TUBAL3: variants seen among roughly 807,000 people sequenced by gnomAD.
TUBAL3 encodes tubulin alpha like 3, also known as tubulin alpha chain-like 3.
Under a neutral mutation model 15.5 loss-of-function variants are expected in TUBAL3, and 16 were observed. The observed-to-expected ratio is 1.04, with a 90% CI of 0.70 to 1.57. The LOEUF (loss-of-function observed/expected upper bound fraction) is 1.57, where lower values mean the gene tolerates loss of function less well. Ranked by LOEUF, TUBAL3 falls within the 40% of genes most tolerant of loss-of-function variation. TUBAL3 has a pLI of 0.00. For synonymous variants in TUBAL3, 238 were observed against 224.3 expected (o/e 1.06, Z -0.55); for missense variants, 609 against 576.2 (o/e 1.06, Z -0.58).
Position 5,395,412 on chromosome 10 carries a change from T to C in TUBAL3, c.311A>G (p.Glu104Gly). 1 of 1,606,406 alleles carries C rather than the reference T, an allele frequency of 6.2e-7. No individual in the cohort carries two copies. Among genetic ancestry groups the C allele is most frequent in the African/African-American group, 1.3e-5 (1 of 74,694 alleles). ...FHPEQLLSGK[E>G]DAANNYARGR... is the part of the protein sequence containing the mutation. ...TCGCGCGTAATTGTTAGCAGCATCC[T>C]CCTTTCCGCTAAGGAGCTGCTCGGG... The change falls in exon 3 of 4, where the codon GAG becomes GGG. Residue 104 changes from glutamate to glycine, a missense_variant. Physicochemically the swap from Glu to Gly is moderately conservative, Grantham distance 98 (BLOSUM62 -2). Transcript: ENST00000380419. This position sits in a 1 kb window ranked among gnomAD's most constrained non-coding sequence, Gnocchi z 4.6.
rs1831738271 is a variant in TUBAL3, at chr10:5,394,836, G to T, written c.397-375C>A. Among the ~76,000 whole-genome samples the T allele has an allele frequency of 6.6e-6, 1 of 152,152 alleles. No homozygotes were observed. The highest frequency in any genetic ancestry group is 6.5e-5 in the Admixed American group (1 of 15,278). On this transcript the variant is annotated intron_variant, in intron 3 of 3. Transcript: ENST00000380419. This position sits in a 1 kb window ranked among gnomAD's most constrained non-coding sequence, Gnocchi z 4.3. Reference sequence around the variant, plus strand: ...TCCATCTGGCATGCTGGTGTAAAAGGTGTTGTAGTAGCTAACAAATATGAC... The same window carrying T: ...TCCATCTGGCATGCTGGTGTAAAAGTTGTTGTAGTAGCTAACAAATATGAC...
Position 5,400,930 on chromosome 10 carries a change from G to A in TUBAL3, c.161C>T (p.Ala54Val), listed in dbSNP as rs2119147106. Reference protein sequence around the residue: ...LENAKMEHTNASFDTFFCETR... With the variant: ...LENAKMEHTNVSFDTFFCETR... ...CTCACAGAAGAAGGTATCGAAAGATGCATTTGTGTGCTCCATTTTTGCATT... is the reference window on the plus strand; with the variant it reads ...CTCACAGAAGAAGGTATCGAAAGATACATTTGTGTGCTCCATTTTTGCATT... The change falls in exon 2 of 4, where the codon GCA becomes GTA. Residue 54 changes from alanine (A) to valine (V), a missense_variant. Transcript: ENST00000380419. 4 of 1,614,216 alleles carry A rather than the reference G, an allele frequency of 2.5e-6. No individual in the cohort carries two copies. In the South Asian group the frequency reaches 4.4e-5, roughly 18 times the overall value.
At chr10:5,400,745 T>TTC (rs1831837391) in intron 2 of TUBAL3, 99 bp downstream of exon 2, 1 of 1,461,156 alleles carries the variant, frequency 6.8e-7, no homozygotes, top group Non-Finnish European at 9.4e-7. Flanking sequence ...GTCCATGTGA[T>TTC]TCCATTCAGA....
intron 1 of TUBAL3, among the ~76,000 whole-genome samples, chr10:5,402,785 C>T (rs1366787913): frequency 2.6e-5 from 4 of 152,260 alleles, no homozygotes; most frequent in African/African-American, 7.2e-5. Flanking sequence ...AGGTTGTGTG[C>T]TCCTTATGAG....
intron 2 of TUBAL3, among the ~76,000 whole-genome samples, chr10:5,398,577 C>T (rs1831800971): frequency 6.6e-6 from 1 of 152,024 alleles, no homozygotes; most frequent in Non-Finnish European, 1.5e-5. Context: ...GGTGACAGAA[C>T]AAGACCCAGT....
chr10:5,393,508 A>G lies in TUBAL3; in HGVS notation c.*9T>C. The stretch of plus-strand genomic sequence containing the variant: ...AACTTGACATTCATTTGCACCCATC[A>G]TACATGCCTCAGAAACTTTGCGCCA... On this transcript the variant is annotated 3_prime_UTR_variant, in exon 4 of 4. Coordinates refer to ENST00000380419, the MANE Select transcript of TUBAL3 (RefSeq NM_024803.3). 6.3e-7 allele frequency: 1 copy of G among 1,589,596 alleles called. No homozygotes were observed. Among genetic ancestry groups the G allele is most frequent in the Non-Finnish European group, 8.6e-7 (1 of 1,168,102 alleles).
chr10:5,396,592 A>T lies in TUBAL3; in HGVS notation c.248-1117T>A, dbSNP rs533640415. On this transcript the variant is annotated intron_variant, in intron 2 of 3. Coordinates refer to ENST00000380419, the MANE Select transcript of TUBAL3 (RefSeq NM_024803.3). The surrounding 1 kb of genome is among the most constrained non-coding windows in gnomAD (Gnocchi z 5.1). ...TGCTTTAAAAGAGGATTTAACAGGG[A>T]AGGCACGGCAAACTCAAATGCCCAC... 7.2e-5 allele frequency among the ~76,000 whole-genome samples: 11 copies of T among 152,326 alleles called. No homozygotes were observed. The East Asian group carries it at 1.9e-3, about 27-fold the overall frequency.
At position 5,394,175 on chromosome 10, in the gene TUBAL3, C is replaced by T. The variant is rs782531228; in HGVS notation, c.683G>A (p.Cys228Tyr). ...TCTATTGATGCTGGCATGAGAGGGG[C>T]ATTCAACACCGAGTTTACGATGGCA... ...DICHRKLGVE[C>Y]PSHASINRLV... The change falls in exon 4 of 4, where the codon TGC (cysteine) becomes TAC (tyrosine). Residue 228 changes from cysteine to tyrosine, a missense_variant. Coordinates refer to ENST00000380419, the MANE Select transcript of TUBAL3 (RefSeq NM_024803.3). This position sits in a 1 kb window ranked among gnomAD's most constrained non-coding sequence, Gnocchi z 4.3. The T allele has an allele frequency of 6.2e-7, 1 of 1,614,188 alleles. No homozygotes were observed. Among genetic ancestry groups the T allele is most frequent in the Non-Finnish European group, 8.5e-7 (1 of 1,180,036 alleles).
At chr10:5,403,029 G>T (rs560530490) in intron 1 of TUBAL3, among the ~76,000 whole-genome samples, 1 of 152,318 alleles carries the variant, frequency 6.6e-6, no homozygotes, top group Non-Finnish European at 1.5e-5. Flanking sequence ...TCAAACCTTT[G>T]TACTTTGTCT....
At position 5,393,850 on chromosome 10, in the gene TUBAL3, A is replaced by G; in HGVS notation, c.1008T>C (p.Asn336=). 1 of 1,614,180 alleles carries G rather than the reference A, an allele frequency of 6.2e-7. No individual in the cohort carries two copies. The highest frequency in any genetic ancestry group is 8.5e-7 in the Non-Finnish European group (1 of 1,180,038). ...YRGDVVPKEV[N]AAIAATKSRH... Reference sequence around the variant, plus strand: ...TCGACTTCGTGGCTGCGATTGCTGCATTCACTTCCTTGGGGACCACATCCC... The same window carrying G: ...TCGACTTCGTGGCTGCGATTGCTGCGTTCACTTCCTTGGGGACCACATCCC... The change falls in exon 4 of 4, where the codon AAT becomes AAC. Residue 336 remains asparagine (N), a synonymous_variant. Transcript: ENST00000380419.
intron 2 of TUBAL3, among the ~76,000 whole-genome samples, chr10:5,398,767 T>G (rs782561607): frequency 1.8e-4 from 27 of 152,210 alleles, no homozygotes; most frequent in Non-Finnish European, 3.2e-4. Context: ...GCAATATTTT[T>G]TTTTGGTTCA....
At chr10:5,403,841 TATTA>T (rs1305776873) in intron 1 of TUBAL3, among the ~76,000 whole-genome samples, 8 of 152,338 alleles carry the variant, frequency 5.3e-5, no homozygotes, top group Non-Finnish European at 1.2e-4. Flanking sequence ...CATAGCACAT[TATTA>T]AACGCTGCTA....
Position 5,394,182 on chromosome 10 carries a change from C to T in TUBAL3, c.676G>A (p.Val226Ile). 1 of 1,614,202 alleles carries T rather than the reference C, an allele frequency of 6.2e-7. No individual in the cohort carries two copies. Among genetic ancestry groups the T allele is most frequent in the Non-Finnish European group, 8.5e-7 (1 of 1,180,038 alleles). Reference protein sequence around the residue: ...VYDICHRKLGVECPSHASINR... With the variant: ...VYDICHRKLGIECPSHASINR... ...ATGCTGGCATGAGAGGGGCATTCAA[C>T]ACCGAGTTTACGATGGCATATATCA... Residue 226 changes from valine to isoleucine, a missense_variant, in exon 4 of 4, where the codon GTT (valine) becomes ATT (isoleucine). By Grantham distance (29) the Val-to-Ile change is conservative (BLOSUM62 3). Transcript: ENST00000380419. This position sits in a 1 kb window ranked among gnomAD's most constrained non-coding sequence, Gnocchi z 4.3.
Position 5,393,656 on chromosome 10 carries a change from T to C in TUBAL3, c.1202A>G (p.Lys401Arg), listed in dbSNP as rs1554813722. 4 of 1,614,216 alleles carry C rather than the reference T, an allele frequency of 2.5e-6. No homozygotes were observed. The South Asian group carries it at 3.3e-5, about 13-fold the overall frequency. The change falls in exon 4 of 4, where the codon AAG (lysine) becomes AGG (arginine). Residue 401 changes from lysine (K) to arginine (R), a missense_variant. Transcript: ENST00000380419. ...TCTCTTGGCGTACATGAGGTCAAAC[T>C]TGTGGTCCAGGCGGGCCCAGGCCTC... ...IVEAWARLDH[K>R]FDLMYAKRAF... is the part of the protein sequence containing the mutation.
intron 1 of TUBAL3, 136 bp downstream of exon 1, chr10:5,404,654 T>C (rs1831903236): frequency 1.1e-5 from 10 of 912,082 alleles, no homozygotes; most frequent in Non-Finnish European, 1.5e-5. Context: ...TACTTGGACA[T>C]TGAAAGAAAC....
rs370277463 is a variant in TUBAL3, at chr10:5,394,460, G to T, written c.398C>A (p.Ala133Glu). 9.5e-6 allele frequency: 15 copies of T among 1,586,884 alleles called. No homozygotes were observed. The highest frequency in any genetic ancestry group is 1.4e-5 in the African/African-American group (1 of 73,684). ...DLVLERTRKL[A>E]EQCGGLQGFL... ...TCCCTGAAGTCCACCACACTGTTCTGCCTGGAGAAAGTAAATGAGATGTGA... is the reference window on the plus strand; with the variant it reads ...TCCCTGAAGTCCACCACACTGTTCTTCCTGGAGAAAGTAAATGAGATGTGA... The change falls in exon 4 of 4, where the codon GCA becomes GAA. Residue 133 changes from alanine (A) to glutamate (E), a missense_variant and splice_region_variant. By Grantham distance (107) the Ala-to-Glu change is moderately radical. Transcript: ENST00000380419. The surrounding 1 kb of genome is among the most constrained non-coding windows in gnomAD (Gnocchi z 4.3).
Position 5,400,861 on chromosome 10 carries a change from A to G in TUBAL3, c.230T>C (p.Leu77Ser), listed in dbSNP as rs782406983. Reference sequence around the variant, plus strand: ...TATTGTACCTATAACAGTTGGCTCCAAGTCCACGAAGAGTGCTCTAGGCAC... The same window carrying G: ...TATTGTACCTATAACAGTTGGCTCCGAGTCCACGAAGAGTGCTCTAGGCAC... ...KHVPRALFVDLEPTVIDGIRT... is the reference protein window; with the variant it reads ...KHVPRALFVDSEPTVIDGIRT... The change falls in exon 2 of 4, where the codon TTG (leucine) becomes TCG (serine). Residue 77 changes from leucine (L) to serine (S), a missense_variant. Physicochemically the swap from Leu to Ser is moderately radical, Grantham distance 145. Transcript: ENST00000380419. 6.2e-7 allele frequency: 1 copy of G among 1,614,218 alleles called. No homozygotes were observed. The highest frequency in any genetic ancestry group is 1.1e-5 in the South Asian group (1 of 91,088).
At chr10:5,400,514 C>T (rs1831833603) in intron 2 of TUBAL3, among the ~76,000 whole-genome samples, 1 of 152,142 alleles carries the variant, frequency 6.6e-6, no homozygotes. Context: ...TGCCTGTAAT[C>T]CCAGCTACTC....
chr10:5,399,390 A>G (rs1831815026), intron 2 of TUBAL3, among the ~76,000 whole-genome samples: 1 of 152,202 alleles, frequency 6.6e-6, no homozygotes, highest in South Asian at 2.1e-4. Flanking sequence ...TTATAAGAAG[A>G]GACACAGACT....
Sources: gnomAD v4.1 joint callset for allele counts (sites outside exome capture counted in the v4.1 genomes callset) on GRCh38, gnomAD v4.1.1 for gene constraint, Gnocchi (gnomAD v3.1) non-coding constraint, MANE v1.5 for transcripts, NCBI Gene and HGNC (gene_info 2026-07-23, HGNC 2026-07-21) for gene names.